Variants in TNPO1 observed in about 807,000 individuals in gnomAD.
TNPO1 encodes the protein transportin 1, also known as transportin-1.
TNPO1 carries 8 observed loss-of-function variants against 119.5 expected under a neutral mutation model. The observed-to-expected ratio is 0.07, with a 90% CI of 0.04 to 0.12. The LOEUF (loss-of-function observed/expected upper bound fraction) is 0.12, where lower values mean the gene tolerates loss of function less well. Ranked by LOEUF, TNPO1 falls within the 10% of genes least tolerant of loss-of-function variation. TNPO1 has a pLI of 1.00. For missense variants in TNPO1, 576 were observed against 1,089.8 expected (o/e 0.53, Z 6.64); for synonymous variants, 362 against 363.0 (o/e 1.00, Z 0.03).
intron 9 of TNPO1, among the ~76,000 whole-genome samples, chr5:72,881,164 G>A (rs1748214751): frequency 6.6e-6 from 1 of 152,020 alleles, no homozygotes; most frequent in South Asian, 2.1e-4. Context: ...AGGCTGGAGT[G>A]CAGTGGCGCG....
chr5:72,829,010 A>G (rs1189920807), intron 1 of TNPO1, among the ~76,000 whole-genome samples: 1 of 152,202 alleles, frequency 6.6e-6, no homozygotes, highest in East Asian at 1.9e-4. Context: ...ATTGGTACTC[A>G]TTGTTTAGAA....
At chr5:72,858,569 G>A (rs560880181) in intron 4 of TNPO1, among the ~76,000 whole-genome samples, 1 of 152,178 alleles carries the variant, frequency 6.6e-6, no homozygotes, top group African/African-American at 2.4e-5. Flanking sequence ...CAGGTGCGGT[G>A]GCTCATGCCT....
At chr5:72,890,694 A>G (rs1008156306) in intron 14 of TNPO1, among the ~76,000 whole-genome samples, 2 of 152,180 alleles carry the variant, frequency 1.3e-5, no homozygotes, top group Non-Finnish European at 2.9e-5. Context: ...CCCTGTTTAC[A>G]TGATCACTAT....
intron 1 of TNPO1, among the ~76,000 whole-genome samples, chr5:72,822,149 G>T (rs1743987617): frequency 6.6e-6 from 1 of 152,130 alleles, no homozygotes; most frequent in Non-Finnish European, 1.5e-5. Context: ...TGATTTGTAT[G>T]AATCATTAAG....
intron 12 of TNPO1, 27 bp downstream of exon 12, chr5:72,887,249 G>T (rs745895531): frequency 8.5e-7 from 1 of 1,179,818 alleles, no homozygotes; most frequent in Non-Finnish European, 1.2e-6. Context: ...TTTGAATTAT[G>T]TAAGTTGGCT....
intron 11 of TNPO1, among the ~76,000 whole-genome samples, chr5:72,883,439 A>G (rs1748395462): frequency 6.6e-6 from 1 of 152,134 alleles, no homozygotes; most frequent in Admixed American, 6.5e-5. Context: ...CCTATTGTTC[A>G]CTGGCTCTGG....
chr5:72,876,038 C>CA (rs1159988148), intron 8 of TNPO1, among the ~76,000 whole-genome samples: 1 of 152,096 alleles, frequency 6.6e-6, no homozygotes, highest in Non-Finnish European at 1.5e-5. Context: ...AAAAGGCTAG[C>CA]ATTCGTGGTA....
chr5:72,887,571 G>A (rs562597096), intron 12 of TNPO1, among the ~76,000 whole-genome samples: 1 of 152,346 alleles, frequency 6.6e-6, no homozygotes, highest in South Asian at 2.1e-4. Flanking sequence ...TGTAGTCCCA[G>A]CTACTTGGAA....
At position 72,909,740 on chromosome 5, in the gene TNPO1, A is replaced by AT. The variant is rs1750433248; in HGVS notation, c.*1068dup. ...GATTTTATTTTTATTAAGAACATAG[A>AT]TATATAAAGTACTGTAGTTTACAGG... On this transcript the variant is annotated 3_prime_UTR_variant, in exon 25 of 25. Coordinates refer to ENST00000337273, the MANE Select transcript of TNPO1 (RefSeq NM_002270.4). The AT allele has an allele frequency of 6.6e-6, 1 of 152,566 alleles. No homozygotes were observed. Among genetic ancestry groups the AT allele is most frequent in the South Asian group, 2.1e-4 (1 of 4,828 alleles). The allele number at this position is 152,566 out of a possible 1,614,324, so 9.5% of individuals were successfully genotyped here. A position where few individuals can be genotyped will look rare whatever the true frequency, so the allele number is the denominator to read the frequency against.
chr5:72,869,359 C>T (rs866505699), intron 6 of TNPO1, among the ~76,000 whole-genome samples: 54 of 152,096 alleles, frequency 3.6e-4, no homozygotes, highest in African/African-American at 1.2e-3. Context: ...CCAGCCCGGC[C>T]AACATGGCAA....
chr5:72,867,355 TTAAC>T (rs1200198887), intron 6 of TNPO1, among the ~76,000 whole-genome samples: 1 of 150,098 alleles, frequency 6.7e-6, no homozygotes, highest in African/African-American at 2.4e-5. Context: ...TTAATGTAGT[TTAAC>T]TGACATTTAC....
intron 1 of TNPO1, among the ~76,000 whole-genome samples, chr5:72,832,916 T>G (rs776956072): frequency 1.3e-5 from 2 of 152,146 alleles, no homozygotes; most frequent in Non-Finnish European, 2.9e-5. Flanking sequence ...CTGGGTATAT[T>G]CATTAGACTT....
At chr5:72,835,807 G>A (rs546374781) in intron 1 of TNPO1, among the ~76,000 whole-genome samples, 15 of 152,254 alleles carry the variant, frequency 9.9e-5, no homozygotes, top group South Asian at 2.1e-4. Flanking sequence ...GTCTGAAGCC[G>A]AGAATCTCAT....
intron 2 of TNPO1, among the ~76,000 whole-genome samples, chr5:72,850,940 T>G (rs1745498964): frequency 6.6e-6 from 1 of 152,228 alleles, no homozygotes; most frequent in Admixed American, 6.5e-5. Context: ...GGTTTAAAGT[T>G]GAAATCCAAG....
intron 14 of TNPO1, among the ~76,000 whole-genome samples, chr5:72,890,743 T>G (rs551069952): frequency 6.6e-6 from 1 of 152,308 alleles, no homozygotes; most frequent in South Asian, 2.1e-4. Context: ...GTTTGACACT[T>G]AAATGATTTT....
At chr5:72,878,855 A>G (rs1748019691) in intron 9 of TNPO1, 2 of 452,888 alleles carry the variant, frequency 4.4e-6, no homozygotes, top group Admixed American at 2.5e-5. Flanking sequence ...TTATTTATTG[A>G]CTTTTCGTTA....
At chr5:72,897,196 C>G (rs1202355550) in intron 20 of TNPO1, 45 bp downstream of exon 20, 1 of 1,443,978 alleles carries the variant, frequency 6.9e-7, no homozygotes, top group Non-Finnish European at 9.5e-7. Flanking sequence ...AATTTGTTGC[C>G]TTTTAATTTT....
chr5:72,822,908 CTTTTTTTTTTT>C (rs56331096), intron 1 of TNPO1, among the ~76,000 whole-genome samples: 1 of 76,080 alleles, frequency 1.3e-5, no homozygotes, highest in African/African-American at 5.2e-5. Context: ...TGGGTCTACA[CTTTTTTTTTTT>C]TTTTTTTTTT....
At chr5:72,858,535 C>T (rs1190310351) in intron 4 of TNPO1, among the ~76,000 whole-genome samples, 2 of 152,096 alleles carry the variant, frequency 1.3e-5, no homozygotes, top group African/African-American at 4.8e-5. Context: ...TTTGGGGGCA[C>T]AGCATTAAGA....
Sources: allele counts gnomAD v4.1 joint callset (sites outside exome capture counted in the v4.1 genomes callset), GRCh38; gene constraint gnomAD v4.1.1; transcripts MANE v1.5; gene names NCBI Gene and HGNC (gene_info 2026-07-23, HGNC 2026-07-21).